Variants in LDLRAD3 observed in about 807,000 individuals in gnomAD.
LDLRAD3 encodes the protein low-density lipoprotein receptor class A domain-containing protein 3.
LDLRAD3 carries 20 observed loss-of-function variants against 29.4 expected under a neutral mutation model. The observed-to-expected ratio is 0.68, with a 90% CI of 0.48 to 0.99. LDLRAD3 has a LOEUF of 0.99. LDLRAD3 is among the 50% of genes least tolerant of loss of function. LDLRAD3 has a pLI of 0.00. For missense variants in LDLRAD3, 420 were observed against 454.3 expected, an observed-to-expected ratio of 0.92 and a Z score of 0.69; for synonymous variants, 157 against 192.7, an observed-to-expected ratio of 0.81 and a Z score of 1.53.
At chr11:36,163,888 A>G (rs61879009) in intron 4 of LDLRAD3, among the ~76,000 whole-genome samples, 17,402 of 152,264 alleles carry the variant, frequency 0.11, 1,149 homozygotes, top group Middle Eastern at 0.19. Context: ...GGTTTAGAGC[A>G]CTGAATGAGC....
intron 1 of LDLRAD3, among the ~76,000 whole-genome samples, chr11:35,976,741 G>A (rs1314005671): frequency 6.6e-6 from 1 of 152,150 alleles, no homozygotes; most frequent in Non-Finnish European, 1.5e-5. Flanking sequence ...ACACTATGAG[G>A]TGTCTGAGAC....
intron 1 of LDLRAD3, among the ~76,000 whole-genome samples, chr11:35,979,847 G>A (rs1339878129): frequency 2.6e-5 from 4 of 152,152 alleles, no homozygotes; most frequent in Non-Finnish European, 5.9e-5. Context: ...CTGGTCTCCC[G>A]ATTTCAGCCA....
intron 2 of LDLRAD3, among the ~76,000 whole-genome samples, chr11:36,063,603 A>G (rs1182841390): frequency 1.3e-5 from 2 of 152,186 alleles, no homozygotes; most frequent in African/African-American, 4.8e-5. Context: ...CATTATATGG[A>G]ATATAGGAGT....
chr11:36,058,160 T>C (rs1450819008), intron 2 of LDLRAD3, among the ~76,000 whole-genome samples: 2 of 152,176 alleles, frequency 1.3e-5, no homozygotes, highest in African/African-American at 4.8e-5. Context: ...TGGTCCCTCC[T>C]GTCTCTTCAG....
intron 2 of LDLRAD3, among the ~76,000 whole-genome samples, chr11:36,052,268 G>GAT (rs1852540294): frequency 6.6e-6 from 1 of 152,222 alleles, no homozygotes; most frequent in Admixed American, 6.5e-5. Flanking sequence ...ATGGTGACAT[G>GAT]ATATGGGTTA....
At chr11:36,127,928 T>A (rs1362609083) in intron 4 of LDLRAD3, among the ~76,000 whole-genome samples, 1 of 151,586 alleles carries the variant, frequency 6.6e-6, no homozygotes, top group Admixed American at 6.6e-5. Flanking sequence ...GGTCCACCAG[T>A]TGAGGTGTTT....
intron 4 of LDLRAD3, among the ~76,000 whole-genome samples, chr11:36,107,285 C>T (rs1440866463): frequency 2.0e-5 from 3 of 152,086 alleles, no homozygotes; most frequent in South Asian, 4.2e-4. Flanking sequence ...ACTGCAACCT[C>T]CACCTCCCAG....
chr11:36,078,568 G>A (rs1853056499), intron 2 of LDLRAD3, among the ~76,000 whole-genome samples: 1 of 152,202 alleles, frequency 6.6e-6, no homozygotes, highest in African/African-American at 2.4e-5. Flanking sequence ...CAGGGAGCTG[G>A]AGCAGACACC....
rs149620735 is a variant in LDLRAD3 at position 35,994,696 on chromosome 11, G to C, written c.47-41407G>C. ...CCTGTTTTATAGCACTTTATGCGCA[G>C]AACAACTTCTTTCAAAATTGGAGTC... On this transcript the variant is annotated intron_variant, in intron 1 of 5. Coordinates refer to ENST00000315571, the MANE Select transcript of LDLRAD3 (RefSeq NM_174902.4). Among the ~76,000 whole-genome samples the C allele has an allele frequency of 6.1e-3, 922 of 152,346 alleles. 7 individuals carry two copies. The highest frequency in any genetic ancestry group is 9.3e-3 in the Non-Finnish European group (630 of 68,034).
intron 4 of LDLRAD3, among the ~76,000 whole-genome samples, chr11:36,214,866 G>C (rs1855330739): frequency 6.6e-6 from 1 of 152,242 alleles, no homozygotes; most frequent in South Asian, 2.1e-4. Context: ...CACTCTGCCG[G>C]CTTCTCCCAG....
chr11:36,144,313 C>A (rs910648829), intron 4 of LDLRAD3, among the ~76,000 whole-genome samples: 7 of 150,218 alleles, frequency 4.7e-5, no homozygotes, highest in Non-Finnish European at 1.0e-4. Context: ...CCTTGGCCCC[C>A]CAAAGTGCCG....
intron 4 of LDLRAD3, among the ~76,000 whole-genome samples, chr11:36,116,322 G>A (rs374568703): frequency 2.6e-5 from 4 of 152,108 alleles, no homozygotes; most frequent in African/African-American, 9.7e-5. Context: ...AGAAGCCAGC[G>A]TCCCAGCTTG....
chr11:36,125,810 G>GC (rs1254588934), intron 4 of LDLRAD3, among the ~76,000 whole-genome samples: 1 of 152,192 alleles, frequency 6.6e-6, no homozygotes, highest in African/African-American at 2.4e-5. Flanking sequence ...TCTTGCTCCT[G>GC]CAGTGCACAA....
intron 1 of LDLRAD3, chr11:35,989,027 C>G (rs956615357): frequency 6.6e-6 from 1 of 152,324 alleles, no homozygotes; most frequent in African/African-American, 2.4e-5. Flanking sequence ...ATTTAAATCT[C>G]TATCTTGAGT....
chr11:35,986,883 G>T (rs1279156912), intron 1 of LDLRAD3, among the ~76,000 whole-genome samples: 3 of 152,220 alleles, frequency 2.0e-5, no homozygotes, highest in Admixed American at 6.5e-5. Context: ...GCTCAGGCAT[G>T]AGTAGTGTTG....
At chr11:36,079,443 A>G (rs981545451) in intron 2 of LDLRAD3, among the ~76,000 whole-genome samples, 4 of 152,204 alleles carry the variant, frequency 2.6e-5, no homozygotes, top group African/African-American at 9.6e-5. Context: ...ACTGTATTCT[A>G]TGCTCTATAC....
At chr11:36,221,590 TA>T (rs569123709) in intron 4 of LDLRAD3, among the ~76,000 whole-genome samples, 2 of 152,024 alleles carry the variant, frequency 1.3e-5, no homozygotes, top group Non-Finnish European at 2.9e-5. Context: ...CGCTTGAGCC[TA>T]AGAGTTCAAG....
intron 4 of LDLRAD3, among the ~76,000 whole-genome samples, chr11:36,218,078 A>G (rs1855376796): frequency 6.6e-6 from 1 of 152,224 alleles, no homozygotes. Context: ...GAATGTGTAA[A>G]ACACATCAGA....
intron 4 of LDLRAD3, among the ~76,000 whole-genome samples, chr11:36,175,812 TC>T: frequency 6.6e-6 from 1 of 152,204 alleles, no homozygotes; most frequent in Non-Finnish European, 1.5e-5. Flanking sequence ...TCTGTACATA[TC>T]TGTTAAGTTT....
Sources: allele counts gnomAD v4.1 joint callset (sites outside exome capture counted in the v4.1 genomes callset), GRCh38; gene constraint gnomAD v4.1.1; transcripts MANE v1.5; gene names NCBI Gene and HGNC (gene_info 2026-07-23, HGNC 2026-07-21).